Variants in NRG3 observed in about 807,000 individuals in gnomAD.
NRG3 encodes pro-neuregulin-3, membrane-bound isoform.
A neutral mutation model predicts 66.9 loss-of-function variants in NRG3; 31 were observed. The observed-to-expected ratio is 0.46, with a 90% CI of 0.35 to 0.63. NRG3 has a LOEUF of 0.63. Among genes scored for constraint, NRG3 ranks in the 20% least tolerant of loss-of-function variants. The probability of loss-of-function intolerance (pLI) is 0.00; values close to 1 mark genes in which losing one functional copy is unlikely to be tolerated. For missense variants in NRG3, 910 were observed against 878.9 expected (o/e 1.04, Z -0.45); for synonymous variants, 393 against 359.4 (o/e 1.09, Z -1.06).
intron 1 of NRG3, among the ~76,000 whole-genome samples, chr10:81,911,603 G>GGTTTTTTT (rs1306854861): frequency 1.3e-5 from 1 of 77,944 alleles, no homozygotes; most frequent in African/African-American, 4.6e-5. Flanking sequence ...GCACAGACTT[G>GGTTTTTTT]TTTTTTTTTT....
chr10:82,934,409 GGTCAT>G (rs1387200907), intron 4 of NRG3, among the ~76,000 whole-genome samples: 1 of 152,144 alleles, frequency 6.6e-6, no homozygotes, highest in Non-Finnish European at 1.5e-5. Flanking sequence ...TCACCTTGTG[GGTCAT>G]GTATGGATTG....
At chr10:82,527,206 T>C (rs1339588106) in intron 2 of NRG3, among the ~76,000 whole-genome samples, 2 of 151,400 alleles carry the variant, frequency 1.3e-5, no homozygotes, top group African/African-American at 4.9e-5. Context: ...ATGGAGAAAA[T>C]ACAACATCTA....
intron 3 of NRG3, among the ~76,000 whole-genome samples, chr10:82,753,308 C>T (rs926158634): frequency 1.3e-4 from 20 of 151,884 alleles, no homozygotes; most frequent in African/African-American, 4.8e-4. Flanking sequence ...TGTGAAGTCT[C>T]TTTAATATTC....
At chr10:82,174,747 G>A (rs1417904571) in intron 1 of NRG3, among the ~76,000 whole-genome samples, 2 of 151,964 alleles carry the variant, frequency 1.3e-5, no homozygotes, top group African/African-American at 2.4e-5. Flanking sequence ...GGCTCACTCT[G>A]TTATGATTTT....
chr10:82,639,829 C>T (rs1460269404), intron 2 of NRG3, among the ~76,000 whole-genome samples: 1 of 151,986 alleles, frequency 6.6e-6, no homozygotes, highest in Non-Finnish European at 1.5e-5. Flanking sequence ...TATAGGTAAA[C>T]TTGTGTCATG....
At chr10:82,669,560 CAT>C (rs1424671276) in intron 2 of NRG3, among the ~76,000 whole-genome samples, 2 of 152,116 alleles carry the variant, frequency 1.3e-5, no homozygotes, top group Non-Finnish European at 2.9e-5. Context: ...CATTCCAAAA[CAT>C]AAAGAAACTT....
intron 1 of NRG3, among the ~76,000 whole-genome samples, chr10:82,326,559 G>A (rs533890980): frequency 8.6e-5 from 13 of 151,810 alleles, no homozygotes; most frequent in East Asian, 1.9e-4. Context: ...CTTTGAAGTC[G>A]CCCCATACTT....
chr10:82,404,314 C>A (rs1432822489), intron 2 of NRG3, among the ~76,000 whole-genome samples: 21 of 152,144 alleles, frequency 1.4e-4, no homozygotes, highest in Non-Finnish European at 1.5e-4. Context: ...CACCCCAAGA[C>A]GACCTTAGTA....
chr10:82,780,946 C>T (rs1196838541), intron 3 of NRG3, among the ~76,000 whole-genome samples: 1 of 152,086 alleles, frequency 6.6e-6, no homozygotes, highest in African/African-American at 2.4e-5. Context: ...ACTTTAGTTT[C>T]CAGGCACTTC....
intron 1 of NRG3, among the ~76,000 whole-genome samples, chr10:82,099,461 C>G (rs1401649991): frequency 2.0e-5 from 3 of 152,108 alleles, no homozygotes; most frequent in African/African-American, 4.8e-5. Flanking sequence ...GTAGCTTTTA[C>G]TATGGTAGCT....
chr10:82,215,598 T>G (rs58963092), intron 1 of NRG3, among the ~76,000 whole-genome samples: 3,866 of 152,290 alleles, frequency 0.025, 150 homozygotes, highest in African/African-American at 0.087. Flanking sequence ...GACAAGCCAA[T>G]GTGTTCTGAA....
At chr10:82,330,004 T>C (rs1408953043) in intron 1 of NRG3, among the ~76,000 whole-genome samples, 1 of 152,208 alleles carries the variant, frequency 6.6e-6, no homozygotes, top group Admixed American at 6.5e-5. Context: ...ATTGATTCTC[T>C]TTCTTCCACT....
chr10:81,995,034 C>T (rs892679241), intron 1 of NRG3, among the ~76,000 whole-genome samples: 25 of 151,880 alleles, frequency 1.6e-4, no homozygotes, highest in African/African-American at 5.1e-4. Flanking sequence ...ATATGTTTTT[C>T]GTATCTCCCA....
intron 1 of NRG3, among the ~76,000 whole-genome samples, chr10:81,949,334 G>A (rs560383647): frequency 3.3e-5 from 5 of 152,278 alleles, no homozygotes; most frequent in African/African-American, 1.2e-4. Context: ...CTCTTTTGGG[G>A]CAAGGTTAAT....
chr10:82,532,965 CT>C (rs548959968), intron 2 of NRG3, among the ~76,000 whole-genome samples: 136 of 143,138 alleles, frequency 9.5e-4, no homozygotes, highest in African/African-American at 1.6e-3. Context: ...TTTGTTTGCT[CT>C]TTTTTTTTTT....
chr10:82,573,101 CAA>C (rs2045837561), intron 2 of NRG3, among the ~76,000 whole-genome samples: 1 of 151,778 alleles, frequency 6.6e-6, no homozygotes, highest in Admixed American at 6.6e-5. Flanking sequence ...GAATATGTGA[CAA>C]GAGATTGTCT....
intron 1 of NRG3, among the ~76,000 whole-genome samples, chr10:82,007,354 C>T (rs10748868): frequency 0.52 from 78,596 of 151,170 alleles, 20,829 homozygotes; most frequent in South Asian, 0.65. Flanking sequence ...GGACTACAGG[C>T]GCACGCCACC....
intron 2 of NRG3, among the ~76,000 whole-genome samples, chr10:82,408,634 TA>T (rs2087809496): frequency 1.8e-5 from 1 of 55,142 alleles, no homozygotes; most frequent in Non-Finnish European, 2.9e-5. Flanking sequence ...ATATATATAT[TA>T]TATATATATA....
intron 2 of NRG3, among the ~76,000 whole-genome samples, chr10:82,502,783 A>G (rs1844317465): frequency 6.6e-6 from 1 of 152,198 alleles, no homozygotes; most frequent in Non-Finnish European, 1.5e-5. Flanking sequence ...TCTATAACAT[A>G]AAACTTTATG....
Sources: gnomAD v4.1 joint callset for allele counts (sites outside exome capture counted in the v4.1 genomes callset) on GRCh38, gnomAD v4.1.1 for gene constraint, MANE v1.5 for transcripts, NCBI Gene and HGNC (gene_info 2026-07-23, HGNC 2026-07-21) for gene names.